The following BBS2 variants were observed in gnomAD, a reference collection of about 807,000 sequenced individuals.
BBS2 encodes Bardet-Biedl syndrome 2.
Under a neutral mutation model 83.0 loss-of-function variants are expected in BBS2, and 62 were observed. That is an observed-to-expected ratio of 0.75 (90% CI 0.61 to 0.92). BBS2 has a LOEUF of 0.92. Among genes scored for constraint, BBS2 ranks in the 40% least tolerant of loss-of-function variants. The probability of loss-of-function intolerance (pLI) is 0.00; values close to 1 mark genes in which losing one functional copy is unlikely to be tolerated. For synonymous variants in BBS2, 303 were observed against 326.1 expected, an observed-to-expected ratio of 0.93 and a Z score of 0.76; for missense variants, 784 against 901.0, an observed-to-expected ratio of 0.87 and a Z score of 1.66.
At position 56,506,012 on chromosome 16, in the gene BBS2, G is replaced by A; in HGVS notation, c.742C>T (p.His248Tyr). 1 of 1,613,948 alleles carries A rather than the reference G, an allele frequency of 6.2e-7. No homozygotes were observed. The highest frequency in any genetic ancestry group is 8.5e-7 in the Non-Finnish European group (1 of 1,179,890). ...CCATCAGAATTAAGGTCAAAAGCATGAATGCTCATGGCATGATTTTTCGAC... is the reference window on the plus strand; with the variant it reads ...CCATCAGAATTAAGGTCAAAAGCATAAATGCTCATGGCATGATTTTTCGAC... ...IKSKNHAMSI[H>Y]AFDLNSDGVN... Residue 248 changes from histidine (H) to tyrosine (Y), a missense_variant, in exon 7 of 17, where the codon CAT becomes TAT. Physicochemically the swap from His to Tyr is moderately conservative, Grantham distance 83. Coordinates refer to ENST00000245157, the MANE Select transcript of BBS2 (RefSeq NM_031885.5).
At chr16:56,507,636 C>T (rs1342479132) in intron 5 of BBS2, among the ~76,000 whole-genome samples, 1 of 151,964 alleles carries the variant, frequency 6.6e-6, no homozygotes, top group African/African-American at 2.4e-5. Flanking sequence ...GGCTCCGGGC[C>T]CTCTCTTCAG....
chr16:56,475,480 G>A (rs1439751338), intron 17 of BBS2: 2 of 1,610,122 alleles, frequency 1.2e-6, no homozygotes, highest in Non-Finnish European at 8.5e-7. Flanking sequence ...GGAGCTTTCT[G>A]AATGCTGTTT....
At chr16:56,508,730 C>T (rs576546715) in intron 5 of BBS2, among the ~76,000 whole-genome samples, 52 of 152,050 alleles carry the variant, frequency 3.4e-4, no homozygotes, top group Admixed American at 6.5e-4. Flanking sequence ...ACTGTAGCCT[C>T]AAGCTCCTGG....
chr16:56,470,625 A>T (rs1479723245), exon 18 of BBS2: 3 of 1,614,090 alleles, frequency 1.9e-6, no homozygotes, highest in South Asian at 1.1e-5. Context: ...CTTCGGAAGA[A>T]GATGAGATGA....
In BBS2 at chr16:56,520,010, G is replaced by T. The variant is rs1386948519; in HGVS notation, c.-148C>A. 4.2e-6 allele frequency: 3 copies of T among 706,526 alleles called. 1 individual carries two copies. In the South Asian group the frequency reaches 4.6e-5, roughly 11 times the overall value. 43.8% of individuals were successfully genotyped at this position (706,526 alleles called of 1,614,324 possible). A position where few individuals can be genotyped will look rare whatever the true frequency, so the allele number is the denominator to read the frequency against. On this transcript the variant is annotated 5_prime_UTR_variant, in exon 1 of 17. Transcript: ENST00000245157. Reference sequence around the variant, plus strand: ...ACGCGAAACAGCCCGGGACGAACCCGTCCAGGTACCGCCTGCTCCTCCTGC... The same window carrying T: ...ACGCGAAACAGCCCGGGACGAACCCTTCCAGGTACCGCCTGCTCCTCCTGC...
intron 15 of BBS2, among the ~76,000 whole-genome samples, chr16:56,491,741 A>C (rs1963957647): frequency 6.6e-6 from 1 of 151,530 alleles, no homozygotes; most frequent in South Asian, 2.1e-4. Context: ...AAAAAAAAAA[A>C]AAAAACACTA....
chr16:56,490,024 G>A (rs1475626750), intron 15 of BBS2, among the ~76,000 whole-genome samples: 1 of 151,854 alleles, frequency 6.6e-6, no homozygotes, highest in Non-Finnish European at 1.5e-5. Context: ...AGCTGAGGTG[G>A]GAGGATAACT....
intron 2 of BBS2, 129 bp from the exon 3 acceptor site, chr16:56,511,413 G>A (rs2144182700): frequency 1.6e-6 from 2 of 1,267,276 alleles, no homozygotes; most frequent in East Asian, 2.4e-5. Context: ...ATGTGGGTGG[G>A]CCTCACACAT....
chr16:56,510,106 A>G (rs576893998), intron 4 of BBS2, 72 bp from the exon 5 acceptor site: 1 of 1,381,796 alleles, frequency 7.2e-7, no homozygotes, highest in South Asian at 1.2e-5. Context: ...CAAAACAAAA[A>G]ATTGCACAGT....
chr16:56,516,706 T>TA (rs1964762450), intron 1 of BBS2, among the ~76,000 whole-genome samples: 3 of 152,236 alleles, frequency 2.0e-5, no homozygotes, highest in African/African-American at 4.8e-5. Context: ...AGATTCCTTT[T>TA]AAAAAAATAT....
At chr16:56,512,275 A>C (rs1350940044) in intron 2 of BBS2, among the ~76,000 whole-genome samples, 1 of 152,222 alleles carries the variant, frequency 6.6e-6, no homozygotes, top group Non-Finnish European at 1.5e-5. Flanking sequence ...CACTTTGCAA[A>C]AACAGTTTCA....
At chr16:56,498,592 G>A (rs1964178042) in intron 12 of BBS2, 24 bp from the exon 13 acceptor site, 2 of 1,613,310 alleles carry the variant, frequency 1.2e-6, no homozygotes, top group Non-Finnish European at 1.7e-6. Context: ...ACAATGAAAT[G>A]ACCTCCATTT....
rs886052145 is a variant in BBS2 at position 56,496,975 on chromosome 16, C to G, written c.1902G>C (p.Met634Ile). Residue 634 changes from methionine (M) to isoleucine (I), a missense_variant, in exon 15 of 17, where the codon ATG (methionine) becomes ATC (isoleucine). By Grantham distance (10) the Met-to-Ile change is conservative. Transcript: ENST00000245157. The part of the protein sequence containing the change: ...LLVGAEDARL[M>I]RDMKTMKSRY... Reference sequence around the variant, plus strand: ...CCATGACAAATACTCACATGTCCCTCATCAGACGAGCATCCTCAGCTCCGA... The same window carrying G: ...CCATGACAAATACTCACATGTCCCTGATCAGACGAGCATCCTCAGCTCCGA... The G allele has an allele frequency of 3.3e-5, 54 of 1,612,816 alleles. No individual in the cohort carries two copies. The highest frequency in any genetic ancestry group is 4.2e-5 in the Non-Finnish European group (50 of 1,178,846).
intron 12 of BBS2, chr16:56,498,879 G>A (rs2144136393): frequency 2.2e-6 from 1 of 454,142 alleles, no homozygotes; most frequent in East Asian, 5.9e-5. Context: ...TATATGCAAT[G>A]TACAAATGAT....
rs756014644 is a variant in BBS2 at position 56,501,523 on chromosome 16, A to G, written c.1081-26T>C. ...CTGCAAAACACCCCACCCATTTCCT[A>G]CTCAGTCACCAAAACACTGAACTAA... On this transcript the variant is annotated intron_variant, in intron 9 of 16. Coordinates refer to ENST00000245157, the MANE Select transcript of BBS2 (RefSeq NM_031885.5). The G allele has an allele frequency of 2.5e-6, 4 of 1,613,964 alleles. No individual in the cohort carries two copies. The Admixed American group carries it at 6.7e-5, about 27-fold the overall frequency.
intron 15 of BBS2, among the ~76,000 whole-genome samples, chr16:56,494,007 G>A (rs1188236433): frequency 1.3e-5 from 2 of 152,034 alleles, no homozygotes; most frequent in Non-Finnish European, 2.9e-5. Flanking sequence ...ATCCCAGGCT[G>A]GATTGCAGTG....
intron 15 of BBS2, among the ~76,000 whole-genome samples, chr16:56,492,365 A>G (rs1188888902): frequency 1.3e-5 from 2 of 152,374 alleles, no homozygotes; most frequent in Middle Eastern, 3.4e-3. Flanking sequence ...ATGTGACAAC[A>G]TGGACGAACT....
Position 56,498,593 on chromosome 16 carries a change from A to T in BBS2, c.1528-25T>A, listed in dbSNP as rs758174252. The T allele has an allele frequency of 6.1e-5, 98 of 1,613,060 alleles. 1 individual carries two copies. Among genetic ancestry groups the T allele is most frequent in the Middle Eastern group, 3.3e-4 (2 of 6,062 alleles). On this transcript the variant is annotated intron_variant, in intron 12 of 16. Coordinates refer to ENST00000245157, the MANE Select transcript of BBS2 (RefSeq NM_031885.5). ...CCTTGAAAATGAACACAATGAAATG[A>T]CCTCCATTTTTAAGGTACAGACGTT...
intron 7 of BBS2, among the ~76,000 whole-genome samples, chr16:56,503,944 G>C (rs1354381539): frequency 6.6e-6 from 1 of 151,342 alleles, no homozygotes; most frequent in Non-Finnish European, 1.5e-5. Context: ...AGATGATTAT[G>C]TTCCAGGCAA....
Sources: gnomAD v4.1 joint callset for allele counts (sites outside exome capture counted in the v4.1 genomes callset) on GRCh38, gnomAD v4.1.1 for gene constraint, MANE v1.5 for transcripts, NCBI Gene and HGNC (gene_info 2026-07-23, HGNC 2026-07-21) for gene names.